ZDHHC14: variants seen among roughly 807,000 people sequenced by gnomAD.
ZDHHC14 encodes the protein palmitoyltransferase ZDHHC14.
Under a neutral mutation model 47.7 loss-of-function variants are expected in ZDHHC14, and 16 were observed. The ratio of observed to expected loss-of-function variants is 0.34; its 90% CI spans 0.23 to 0.51. The LOEUF (loss-of-function observed/expected upper bound fraction) is 0.51, where lower values mean the gene tolerates loss of function less well. Among genes scored for constraint, ZDHHC14 ranks in the 20% least tolerant of loss-of-function variants. The probability of loss-of-function intolerance (pLI) is 0.97; values close to 1 mark genes in which losing one functional copy is unlikely to be tolerated. For synonymous variants in ZDHHC14, 293 were observed against 278.9 expected, an observed-to-expected ratio of 1.05 and a Z score of -0.50; for missense variants, 515 against 662.5, an observed-to-expected ratio of 0.78 and a Z score of 2.44.
Position 157,619,713 on chromosome 6 carries a change from TG to T in ZDHHC14, c.566-8635del, listed in dbSNP as rs779147821. ...ACTGAAATGTTTTAGTTTTAGGGTT[TG>T]TTTTTTTTTTTTAACAAATGGAGCT... On this transcript the variant is annotated intron_variant, in intron 3 of 8. Transcript: ENST00000359775. Among the ~76,000 whole-genome samples, 19 of 129,658 alleles carry T rather than the reference TG, an allele frequency of 1.5e-4. No homozygotes were observed. The South Asian group carries it at 3.8e-3, about 26-fold the overall frequency. 85.1% of individuals were successfully genotyped at this position (129,658 alleles called of 152,430 possible). A position where few individuals can be genotyped will look rare whatever the true frequency, so the allele number is the denominator to read the frequency against.
intron 1 of ZDHHC14, among the ~76,000 whole-genome samples, chr6:157,455,739 T>A (rs1474594461): frequency 6.6e-6 from 1 of 151,686 alleles, no homozygotes; most frequent in Non-Finnish European, 1.5e-5. Context: ...TGATCTTTCT[T>A]ACAGTCAACT....
At chr6:157,624,328 GGTCTC>G (rs1785317785) in intron 3 of ZDHHC14, among the ~76,000 whole-genome samples, 1 of 152,208 alleles carries the variant, frequency 6.6e-6, no homozygotes, top group Non-Finnish European at 1.5e-5. Context: ...CACCATGTGA[GGTCTC>G]CCTGCTTTTC....
chr6:157,526,992 G>A (rs1013876182), intron 1 of ZDHHC14, among the ~76,000 whole-genome samples: 16 of 152,200 alleles, frequency 1.1e-4, no homozygotes, highest in Admixed American at 9.2e-4. Context: ...TGGCCTCAGA[G>A]TGTGCTTCTG....
At position 157,610,897 on chromosome 6, in the gene ZDHHC14, A is replaced by G. The variant is rs191105555; in HGVS notation, c.566-17452A>G. 1.2e-4 allele frequency among the ~76,000 whole-genome samples: 18 copies of G among 152,382 alleles called. No individual in the cohort carries two copies. The East Asian group carries it at 2.3e-3, about 20-fold the overall frequency. On this transcript the variant is annotated intron_variant, in intron 3 of 8. Coordinates refer to ENST00000359775, the MANE Select transcript of ZDHHC14 (RefSeq NM_024630.3). Reference sequence around the variant, plus strand: ...AATTTATAAGTGTAGAATGAGAAATAGAACTGCCACAGGAAGCAGAATCAC... The same window carrying G: ...AATTTATAAGTGTAGAATGAGAAATGGAACTGCCACAGGAAGCAGAATCAC...
At chr6:157,386,119 C>T (rs1036584815) in intron 1 of ZDHHC14, among the ~76,000 whole-genome samples, 1 of 152,112 alleles carries the variant, frequency 6.6e-6, no homozygotes, top group Non-Finnish European at 1.5e-5. Flanking sequence ...GGACTCTGGT[C>T]ACCCTTTTCT....
chr6:157,611,761 A>G (rs1164506546), intron 3 of ZDHHC14, among the ~76,000 whole-genome samples: 3 of 152,210 alleles, frequency 2.0e-5, no homozygotes, highest in East Asian at 1.9e-4. Context: ...CGATTGCTTC[A>G]TGAAAGTCTG....
intron 5 of ZDHHC14, among the ~76,000 whole-genome samples, chr6:157,638,891 C>T (rs1777110582): frequency 6.6e-6 from 1 of 152,036 alleles, no homozygotes; most frequent in Non-Finnish European, 1.5e-5. Flanking sequence ...TAGTGGGGGA[C>T]ATGGAGGGAG....
chr6:157,440,017 T>G (rs1164457526), intron 1 of ZDHHC14, among the ~76,000 whole-genome samples: 5 of 151,782 alleles, frequency 3.3e-5, no homozygotes, highest in Admixed American at 6.6e-5. Context: ...TGGTGGGGTG[T>G]GGGAGGAGGG....
chr6:157,624,835 A>G (rs1042799059), intron 3 of ZDHHC14, among the ~76,000 whole-genome samples: 1 of 152,228 alleles, frequency 6.6e-6, no homozygotes, highest in African/African-American at 2.4e-5. Flanking sequence ...GTCTTAGTCC[A>G]TTTTGTGCTG....
intron 2 of ZDHHC14, among the ~76,000 whole-genome samples, chr6:157,548,992 G>C (rs1782103565): frequency 1.3e-5 from 2 of 152,246 alleles, no homozygotes; most frequent in Admixed American, 6.5e-5. Context: ...TCTGTATCCT[G>C]TTATACCTGT....
At chr6:157,628,550 T>A (rs1310412193) in intron 4 of ZDHHC14, 64 bp downstream of exon 4, 1 of 1,570,376 alleles carries the variant, frequency 6.4e-7, no homozygotes. Context: ...TTTTCCTATT[T>A]GATTTTGATT....
chr6:157,538,223 A>G (rs1269537781), intron 1 of ZDHHC14, among the ~76,000 whole-genome samples: 1 of 152,210 alleles, frequency 6.6e-6, no homozygotes, highest in East Asian at 1.9e-4. Context: ...ACTTTAGCAC[A>G]TGGAGGGTCT....
At chr6:157,577,530 C>A (rs887157153) in intron 2 of ZDHHC14, among the ~76,000 whole-genome samples, 3 of 152,080 alleles carry the variant, frequency 2.0e-5, no homozygotes, top group Non-Finnish European at 2.9e-5. Context: ...ACCTCTCCAG[C>A]CTCTGTTTTT....
chr6:157,557,746 T>A (rs1010332990), intron 2 of ZDHHC14, among the ~76,000 whole-genome samples: 1 of 152,188 alleles, frequency 6.6e-6, no homozygotes, highest in Non-Finnish European at 1.5e-5. Context: ...GAGCAATAGA[T>A]GGCTCTCAGC....
chr6:157,445,462 C>A (rs562982073), intron 1 of ZDHHC14, among the ~76,000 whole-genome samples: 1 of 152,214 alleles, frequency 6.6e-6, no homozygotes, highest in Admixed American at 6.5e-5. Context: ...GTTGTCTGTC[C>A]AAAACAGTTT....
intron 1 of ZDHHC14, among the ~76,000 whole-genome samples, chr6:157,410,309 A>G (rs987545226): frequency 1.3e-5 from 2 of 152,232 alleles, no homozygotes; most frequent in African/African-American, 4.8e-5. Context: ...TTCCACGGAA[A>G]GTGGAAAAAA....
At chr6:157,573,742 G>T (rs1783189555) in intron 2 of ZDHHC14, among the ~76,000 whole-genome samples, 1 of 152,176 alleles carries the variant, frequency 6.6e-6, no homozygotes, top group Non-Finnish European at 1.5e-5. Flanking sequence ...GCGCATCCTG[G>T]CTGAGCTTTG....
intron 2 of ZDHHC14, among the ~76,000 whole-genome samples, chr6:157,559,237 G>A (rs150658783): frequency 9.2e-5 from 14 of 152,346 alleles, no homozygotes; most frequent in Non-Finnish European, 2.1e-4. Flanking sequence ...CCATCTCTCT[G>A]GGACAAGTGG....
chr6:157,445,054 A>G (rs1237816587), intron 1 of ZDHHC14, among the ~76,000 whole-genome samples: 2 of 151,454 alleles, frequency 1.3e-5, no homozygotes, highest in Admixed American at 6.6e-5. Context: ...GGAAGGGACC[A>G]CAAGGGAAAC....
Sources: allele counts gnomAD v4.1 joint callset (sites outside exome capture counted in the v4.1 genomes callset), GRCh38; gene constraint gnomAD v4.1.1; transcripts MANE v1.5; gene names NCBI Gene and HGNC (gene_info 2026-07-23, HGNC 2026-07-21).